ALOX5: variants seen among roughly 807,000 people sequenced by gnomAD.
ALOX5 encodes the protein arachidonate 5-lipoxygenase.
ALOX5 carries 64 observed loss-of-function variants against 87.9 expected under a neutral mutation model. The observed-to-expected ratio is 0.73, with a 90% CI of 0.60 to 0.90. ALOX5 has a LOEUF of 0.90. ALOX5 is among the 40% of genes least tolerant of loss of function. The probability of loss-of-function intolerance (pLI) is 0.00; values close to 1 mark genes in which losing one functional copy is unlikely to be tolerated. For synonymous variants in ALOX5, 388 were observed against 355.1 expected (o/e 1.09, Z -1.04); for missense variants, 822 against 907.5 (o/e 0.91, Z 1.21).
In ALOX5 at chr10:45,410,378, C is replaced by G. The variant is rs189914144; in HGVS notation, c.432-1813C>G. On this transcript the variant is annotated intron_variant, in intron 3 of 13. Coordinates refer to ENST00000374391, the MANE Select transcript of ALOX5 (RefSeq NM_000698.5). ...CTATCATTGGCATTAATACAAACAG[C>G]AAAAATGGAAGGTTTTCTTAAAATC... Among the ~76,000 whole-genome samples the G allele has an allele frequency of 4.5e-4, 69 of 152,192 alleles. No individual in the cohort carries two copies. In the South Asian group the frequency reaches 9.1e-3, roughly 20 times the overall value.
rs1161461899 is a variant in ALOX5 at position 45,374,421 on chromosome 10, C to A, written c.142C>A (p.Arg48Ser). 6.4e-7 allele frequency: 1 copy of A among 1,554,990 alleles called. No homozygotes were observed. Residue 48 changes from arginine to serine, a missense_variant, in exon 1 of 14, where the codon CGT (arginine) becomes AGT (serine). Physicochemically the swap from Arg to Ser is moderately radical, Grantham distance 110. Transcript: ENST00000374391. ...LDKPFYNDFE[R>S]GAVDSYDVTV... The stretch of plus-strand genomic sequence containing the variant: ...CAAGCCCTTCTACAACGACTTCGAG[C>A]GTGGCGCGGTGAGCGCGGGCGGGGC...
At chr10:45,401,797 TTATTAGTA>T (rs1840706446) in intron 3 of ALOX5, among the ~76,000 whole-genome samples, 1 of 152,166 alleles carries the variant, frequency 6.6e-6, no homozygotes, top group South Asian at 2.1e-4. Flanking sequence ...ATAGTAAAAG[TTATTAGTA>T]TACATTGACA....
At chr10:45,443,349 G>T in intron 10 of ALOX5, 67 bp from the exon 11 acceptor site, 1 of 1,591,750 alleles carries the variant, frequency 6.3e-7, no homozygotes, top group African/African-American at 1.3e-5. Flanking sequence ...CCGTGAGGGG[G>T]TTGCCGCCGG....
In ALOX5 at chr10:45,444,148, C is replaced by T; in HGVS notation, c.1707C>T (p.Pro569=). 6.4e-7 allele frequency: 1 copy of T among 1,552,814 alleles called. No individual in the cohort carries two copies. Among genetic ancestry groups the T allele is most frequent in the Non-Finnish European group, 8.7e-7 (1 of 1,148,076 alleles). ...GGTGCTCCTGGATCCCCAATGCGCC[C>T]CCAACCATGCGAGCCCCGCCACCGA... The part of the protein sequence containing the change: ...YDWCSWIPNA[P]PTMRAPPPTA... Residue 569 remains proline (P), a synonymous_variant, in exon 13 of 14, where the codon CCC becomes CCT. Coordinates refer to ENST00000374391, the MANE Select transcript of ALOX5 (RefSeq NM_000698.5).
In ALOX5 at chr10:45,395,951, C is replaced by T; in HGVS notation, c.431+15C>T. 1.2e-6 allele frequency: 2 copies of T among 1,612,790 alleles called. No individual in the cohort carries two copies. The highest frequency in any genetic ancestry group is 3.3e-4 in the Middle Eastern group (2 of 6,054). On this transcript the variant is annotated intron_variant, in intron 3 of 13. Coordinates refer to ENST00000374391, the MANE Select transcript of ALOX5 (RefSeq NM_000698.5). ...AAACAATATCGGTGAGTTATGACAT[C>T]AGATCGAGTGGCCACGGGGCCATGG...
chr10:45,428,310 TTTC>T (rs1841801104), intron 6 of ALOX5: 14 of 458,064 alleles, frequency 3.1e-5, no homozygotes, highest in Non-Finnish European at 5.1e-5. Flanking sequence ...ACCTAACCTC[TTTC>T]TTCTTAGTAA....
chr10:45,441,081 G>T (rs969568509), intron 8 of ALOX5, among the ~76,000 whole-genome samples: 2 of 152,240 alleles, frequency 1.3e-5, no homozygotes, highest in Non-Finnish European at 2.9e-5. Flanking sequence ...GTCAGATTAA[G>T]ACAGTGAACT....
intron 2 of ALOX5, among the ~76,000 whole-genome samples, chr10:45,394,003 T>C (rs537265593): frequency 3.9e-5 from 6 of 152,168 alleles, no homozygotes; most frequent in Non-Finnish European, 7.3e-5. Context: ...ATAGGAAGAA[T>C]GAATATCATA....
chr10:45,374,227 C>T lies in ALOX5; in HGVS notation c.-53C>T, dbSNP rs1839486656. The T allele has an allele frequency of 7.0e-7, 1 of 1,438,386 alleles. No homozygotes were observed. The highest frequency in any genetic ancestry group is 3.0e-5 in the East Asian group (1 of 32,856). 89.1% of individuals were successfully genotyped at this position (1,438,386 alleles called of 1,614,324 possible). A position where few individuals can be genotyped will look rare whatever the true frequency, so the allele number is the denominator to read the frequency against. ...GAGGCTGCGGCGCTAGATGCGGACACCTGGACCGCCGCGCCGAGGCTCCCG... is the reference window on the plus strand; with the variant it reads ...GAGGCTGCGGCGCTAGATGCGGACATCTGGACCGCCGCGCCGAGGCTCCCG... On this transcript the variant is annotated 5_prime_UTR_variant, in exon 1 of 14. Transcript: ENST00000374391.
At chr10:45,414,650 C>A (rs181600331) in intron 4 of ALOX5, among the ~76,000 whole-genome samples, 5 of 152,218 alleles carry the variant, frequency 3.3e-5, no homozygotes, top group Non-Finnish European at 4.4e-5. Flanking sequence ...AGTGAACAGG[C>A]AACCTACAGA....
chr10:45,399,212 A>G (rs1840614323), intron 3 of ALOX5, among the ~76,000 whole-genome samples: 2 of 152,242 alleles, frequency 1.3e-5, no homozygotes, highest in Non-Finnish European at 2.9e-5. Flanking sequence ...CATATATTGT[A>G]TGATTCCTTT....
At chr10:45,418,908 G>A (rs1841397574) in intron 4 of ALOX5, among the ~76,000 whole-genome samples, 1 of 152,242 alleles carries the variant, frequency 6.6e-6, no homozygotes, top group Non-Finnish European at 1.5e-5. Flanking sequence ...TCCCAGTGGG[G>A]CGGGACAGTG....
chr10:45,421,644 A>G (rs892691), intron 4 of ALOX5, among the ~76,000 whole-genome samples: 108,736 of 152,216 alleles, frequency 0.71, 39,184 homozygotes, highest in East Asian at 0.87. Context: ...TGGGTATTCC[A>G]GTGCCTGGCT....
At chr10:45,415,265 A>T (rs991635315) in intron 4 of ALOX5, among the ~76,000 whole-genome samples, 2 of 152,224 alleles carry the variant, frequency 1.3e-5, no homozygotes, top group Non-Finnish European at 2.9e-5. Context: ...ATAAAAAAGG[A>T]TGAGTTAATG....
chr10:45,385,354 A>G (rs1200545904), intron 2 of ALOX5, among the ~76,000 whole-genome samples: 2 of 152,236 alleles, frequency 1.3e-5, no homozygotes, highest in Non-Finnish European at 2.9e-5. Flanking sequence ...GTGAAGGGAC[A>G]GCTTCATTAA....
intron 4 of ALOX5, among the ~76,000 whole-genome samples, chr10:45,416,550 A>C (rs953710979): frequency 6.6e-6 from 1 of 152,204 alleles, no homozygotes; most frequent in Non-Finnish European, 1.5e-5. Context: ...GCAGGACAGA[A>C]GGCCCTTGTG....
Position 45,428,753 on chromosome 10 carries a change from A to G in ALOX5, c.970A>G (p.Ile324Val), listed in dbSNP as rs758032522. 7.4e-6 allele frequency: 12 copies of G among 1,613,886 alleles called. No homozygotes were observed. In the Admixed American group the frequency reaches 1.3e-4, roughly 18 times the overall value. ...YKNLANKIVP[I>V]AIQLNQIPGD... ...GAACCTGGCCAACAAGATTGTCCCCATTGCCATCCAGGTAGGCTGCTGGGG... is the reference window on the plus strand; with the variant it reads ...GAACCTGGCCAACAAGATTGTCCCCGTTGCCATCCAGGTAGGCTGCTGGGG... The change falls in exon 7 of 14, where the codon ATT becomes GTT. Residue 324 changes from isoleucine to valine, a missense_variant. Ile to Val is a conservative substitution (Grantham distance 29). Coordinates refer to ENST00000374391, the MANE Select transcript of ALOX5 (RefSeq NM_000698.5).
At chr10:45,415,817 A>T (rs1841269238) in intron 4 of ALOX5, among the ~76,000 whole-genome samples, 1 of 152,252 alleles carries the variant, frequency 6.6e-6, no homozygotes, top group African/African-American at 2.4e-5. Context: ...GCACTTGATA[A>T]GGTGAACACC....
chr10:45,412,172 T>C lies in ALOX5; in HGVS notation c.432-19T>C. Reference sequence around the variant, plus strand: ...AAGGCTGGCATTTAACTCAATTTCTTCTCCTTTCTCATGCTCAGATGGATG... The same window carrying C: ...AAGGCTGGCATTTAACTCAATTTCTCCTCCTTTCTCATGCTCAGATGGATG... On this transcript the variant is annotated intron_variant, in intron 3 of 13. Coordinates refer to ENST00000374391, the MANE Select transcript of ALOX5 (RefSeq NM_000698.5). 3 of 1,613,926 alleles carry C rather than the reference T, an allele frequency of 1.9e-6. No homozygotes were observed. The highest frequency in any genetic ancestry group is 2.5e-6 in the Non-Finnish European group (3 of 1,179,934).
Sources: gnomAD v4.1 joint callset for allele counts (sites outside exome capture counted in the v4.1 genomes callset) on GRCh38, gnomAD v4.1.1 for gene constraint, MANE v1.5 for transcripts, NCBI Gene and HGNC (gene_info 2026-07-23, HGNC 2026-07-21) for gene names.